Variants in KRT14 observed in about 807,000 individuals in gnomAD.
KRT14 encodes keratin, type I cytoskeletal 14.
KRT14 carries 30 observed loss-of-function variants against 44.5 expected under a neutral mutation model. The ratio of observed to expected loss-of-function variants is 0.67; its 90% CI spans 0.50 to 0.92. The LOEUF is 0.92. Ranked by LOEUF, KRT14 falls within the 40% of genes least tolerant of loss-of-function variation. The pLI is 0.00. For missense variants in KRT14, 535 were observed against 640.6 expected (o/e 0.84, Z 1.78); for synonymous variants, 241 against 257.6 (o/e 0.94, Z 0.62).
At position 41,583,099 on chromosome 17, in the gene KRT14, C is replaced by G. The variant is rs1907386236; in HGVS notation, c.1316G>C (p.Arg439Thr). ...SQFSSGSQSS[R>T]DVTSSSRQIR... ...GCAGAGGAGGAGGGTCTTACCATCT[C>G]TGGATGACTGCGATCCAGAGGAGAA... Residue 439 changes from arginine (R) to threonine (T), a missense_variant, in exon 7 of 8, where the codon AGA becomes ACA. Arg to Thr is a moderately conservative substitution (Grantham distance 71, BLOSUM62 -1). Coordinates refer to ENST00000167586, the MANE Select transcript of KRT14 (RefSeq NM_000526.5). The G allele has an allele frequency of 6.2e-7, 1 of 1,612,804 alleles. No individual in the cohort carries two copies. The highest frequency in any genetic ancestry group is 1.7e-5 in the Admixed American group (1 of 59,974).
intron 3 of KRT14, 120 bp from the exon 4 acceptor site, chr17:41,584,041 C>G: frequency 1.0e-6 from 1 of 964,958 alleles, no homozygotes; most frequent in Non-Finnish European, 1.6e-6. Context: ...CCTTCTCTCT[C>G]TCTCTCTCAA....
In KRT14 at chr17:41,586,482, G is replaced by A. The variant is rs1064794983; in HGVS notation, c.353C>T (p.Thr118Ile). 1.9e-5 allele frequency: 30 copies of A among 1,614,092 alleles called. No individual in the cohort carries two copies. Among genetic ancestry groups the A allele is most frequent in the Non-Finnish European group, 2.3e-5 (27 of 1,180,012 alleles). ...CAGGCGGTCATTGAGGTTCTGCATGGTCACCTTCTCACTGCCCACCAGAAG... is the reference window on the plus strand; with the variant it reads ...CAGGCGGTCATTGAGGTTCTGCATGATCACCTTCTCACTGCCCACCAGAAG... ...DGLLVGSEKV[T>I]MQNLNDRLAS... The change falls in exon 1 of 8, where the codon ACC (threonine) becomes ATC (isoleucine). Residue 118 changes from threonine to isoleucine, a missense_variant. Thr to Ile is a moderately conservative substitution (Grantham distance 89). Coordinates refer to ENST00000167586, the MANE Select transcript of KRT14 (RefSeq NM_000526.5).
Position 41,586,625 on chromosome 17 carries a change from G to T in KRT14, c.210C>A (p.Gly70=), listed in dbSNP as rs777822246. ...TGCTGCTGCTGCTGCTGAAGCCACC[G>T]CCATAGCCGCCCCCCAGCCCGCAGG... ...GGACGLGGGY[G]GGFSSSSSSF... The change falls in exon 1 of 8, where the codon GGC becomes GGA. Residue 70 remains glycine, a synonymous_variant. Transcript: ENST00000167586. 3 of 1,610,534 alleles carry T rather than the reference G, an allele frequency of 1.9e-6. No individual in the cohort carries two copies. The highest frequency in any genetic ancestry group is 2.5e-6 in the Non-Finnish European group (3 of 1,178,388).
chr17:41,586,825 A>G lies in KRT14; in HGVS notation c.10T>C (p.Cys4Arg). 6.3e-7 allele frequency: 1 copy of G among 1,590,502 alleles called. No homozygotes were observed. The highest frequency in any genetic ancestry group is 8.5e-7 in the Non-Finnish European group (1 of 1,170,630). MTT[C>R]SRQFTSSSSM... Reference sequence around the variant, plus strand: ...CTGGAGGAGGTGAACTGGCGGCTGCAGGTGGTCATGGTGCAGAGGAGGGAG... The same window carrying G: ...CTGGAGGAGGTGAACTGGCGGCTGCGGGTGGTCATGGTGCAGAGGAGGGAG... Residue 4 changes from cysteine (C) to arginine (R), a missense_variant, in exon 1 of 8, where the codon TGC becomes CGC. Coordinates refer to ENST00000167586, the MANE Select transcript of KRT14 (RefSeq NM_000526.5).
chr17:41,584,666 A>G (rs1474079977), intron 2 of KRT14, among the ~76,000 whole-genome samples: 1 of 152,174 alleles, frequency 6.6e-6, no homozygotes. Flanking sequence ...CAGCCAACAA[A>G]TAATGCAGAA....
chr17:41,583,287 G>A lies in KRT14; in HGVS notation c.1222C>T (p.Leu408=), dbSNP rs57200223. 13 of 1,613,642 alleles carry A rather than the reference G, an allele frequency of 8.1e-6. No homozygotes were observed. The South Asian group carries it at 1.4e-4, about 18-fold the overall frequency. ...YKILLDVKTR[L]EQEIATYRRL... ...CGGTAGGTGGCGATCTCCTGCTCCA[G>A]CCGCGTCTTCACGTCCAGCAGGATC... The change falls in exon 6 of 8, where the codon CTG becomes TTG. Residue 408 remains leucine (L), a synonymous_variant. Transcript: ENST00000167586.
At chr17:41,585,711 G>T (rs1907503220) in intron 1 of KRT14, among the ~76,000 whole-genome samples, 1 of 152,244 alleles carries the variant, frequency 6.6e-6, no homozygotes, top group South Asian at 2.1e-4. Context: ...GGAGGAGGGG[G>T]CTAGAGTCAG....
chr17:41,584,930 T>C (rs752812716), intron 2 of KRT14, 45 bp downstream of exon 2: 2 of 1,481,786 alleles, frequency 1.3e-6, no homozygotes, highest in South Asian at 1.1e-5. Flanking sequence ...AAAAATGCCC[T>C]ACTCTGGGGA....
intron 7 of KRT14, chr17:41,582,881 C>G: frequency 1.6e-6 from 1 of 626,020 alleles, no homozygotes; most frequent in South Asian, 2.0e-5. Flanking sequence ...GGATCTGCCA[C>G]AGACACCACG....
Position 41,586,851 on chromosome 17 carries a change from G to C in KRT14, c.-17C>G. The C allele has an allele frequency of 6.4e-7, 1 of 1,571,534 alleles. No homozygotes were observed. Among genetic ancestry groups the C allele is most frequent in the East Asian group, 2.3e-5 (1 of 42,656 alleles). ...GGTGGTCATGGTGCAGAGGAGGGAG[G>C]TGAGCGAGCGAGCAGTTGGCTGAGT... On this transcript the variant is annotated 5_prime_UTR_variant, in exon 1 of 8. Transcript: ENST00000167586.
intron 1 of KRT14, among the ~76,000 whole-genome samples, chr17:41,585,268 C>G (rs1907492162): frequency 6.6e-6 from 1 of 152,170 alleles, no homozygotes. Flanking sequence ...GTAGATGCAG[C>G]CCCGGGCTTA....
At position 41,585,040 on chromosome 17, in the gene KRT14, C is replaced by T; in HGVS notation, c.543G>A (p.Val181=). The T allele has an allele frequency of 1.2e-6, 2 of 1,614,034 alleles. No individual in the cohort carries two copies. Among genetic ancestry groups the T allele is most frequent in the Non-Finnish European group, 8.5e-7 (1 of 1,179,882 alleles). The change falls in exon 2 of 8, where the codon GTG becomes GTA. Residue 181 remains valine, a synonymous_variant. Transcript: ENST00000167586. ...TCTGCAGAAGGACATTGGCATTGTC[C>T]ACTGTGGCTGTGAGAATCTGCAGGA... ...DLRNKILTAT[V]DNANVLLQID...
rs1278879263 is a variant in KRT14 at position 41,584,959 on chromosome 17, AC to A, written c.608+15del. Reference sequence around the variant, plus strand: ...CTGGGGACACTGGATGTTCTGGCCCACCATTTCAAACTCACTTGGTGCGGAA... The same window carrying A: ...CTGGGGACACTGGATGTTCTGGCCCACATTTCAAACTCACTTGGTGCGGAA... On this transcript the variant is annotated intron_variant, in intron 2 of 7. Transcript: ENST00000167586. 1 of 1,606,182 alleles carries A rather than the reference AC, an allele frequency of 6.2e-7. No individual in the cohort carries two copies. The highest frequency in any genetic ancestry group is 1.7e-5 in the Admixed American group (1 of 60,008).
intron 2 of KRT14, among the ~76,000 whole-genome samples, chr17:41,584,716 C>G (rs1393837292): frequency 6.6e-6 from 1 of 152,164 alleles, no homozygotes; most frequent in Non-Finnish European, 1.5e-5. Flanking sequence ...TCAAGGGCAG[C>G]TGGGGAAGTG....
In KRT14 at chr17:41,582,448, C is replaced by T. The variant is rs779936319; in HGVS notation, c.1406G>A (p.Arg469His). The stretch of plus-strand genomic sequence containing the variant: ...GGCTGGGCAGCCTCAGTTCTTGGTG[C>T]GAAGGACCTGCTCGTGGGTGGACAC... ...KVVSTHEQVLRTKN is the reference protein window; with the variant it reads ...KVVSTHEQVLHTKN Residue 469 changes from arginine to histidine, a missense_variant, in exon 8 of 8, where the codon CGC becomes CAC. Arg to His is a conservative substitution (Grantham distance 29). Transcript: ENST00000167586. 64 of 1,565,766 alleles carry T rather than the reference C, an allele frequency of 4.1e-5. No individual in the cohort carries two copies. The highest frequency in any genetic ancestry group is 1.7e-4 in the Middle Eastern group (1 of 5,820).
intron 1 of KRT14, among the ~76,000 whole-genome samples, 167 bp from the exon 2 acceptor site, chr17:41,585,224 C>T (rs939486553): frequency 2.0e-5 from 3 of 152,192 alleles, no homozygotes; most frequent in Non-Finnish European, 4.4e-5. Context: ...CAGGCCTGTC[C>T]TAAGACTTTG....
At position 41,583,801 on chromosome 17, in the gene KRT14, C is replaced by T; in HGVS notation, c.886G>A (p.Glu296Lys). ...EMRDQYEKMA[E>K]KNRKDAEEWF... is the part of the protein sequence containing the mutation. ...TCCTCGGCATCCTTGCGGTTCTTCT[C>T]TGCCATCTTCTCATACTGGTCACGC... Residue 296 changes from glutamate to lysine, a missense_variant, in exon 4 of 8, where the codon GAG becomes AAG. Coordinates refer to ENST00000167586, the MANE Select transcript of KRT14 (RefSeq NM_000526.5). 8 of 1,614,242 alleles carry T rather than the reference C, an allele frequency of 5.0e-6. No individual in the cohort carries two copies. The highest frequency in any genetic ancestry group is 6.8e-6 in the Non-Finnish European group (8 of 1,180,046).
rs1907362688 is a variant in KRT14, at chr17:41,582,390, T to C, written c.*45A>G. The stretch of plus-strand genomic sequence containing the variant: ...AGAGGGGATCTTCCAGTGGGATCTG[T>C]GTCCACACGGGGGGCCTCCTAGGCC... On this transcript the variant is annotated 3_prime_UTR_variant, in exon 8 of 8. Transcript: ENST00000167586. 7.0e-7 allele frequency: 1 copy of C among 1,427,340 alleles called. No individual in the cohort carries two copies. Among genetic ancestry groups the C allele is most frequent in the South Asian group, 1.2e-5 (1 of 81,672 alleles). The allele number at this position is 1,427,340 out of a possible 1,614,324, so 88.4% of individuals were successfully genotyped here.
Position 41,583,376 on chromosome 17 carries a change from C to T in KRT14, c.1133G>A (p.Gly378Asp). The T allele has an allele frequency of 1.9e-6, 3 of 1,613,758 alleles. No individual in the cohort carries two copies. Among genetic ancestry groups the T allele is most frequent in the African/African-American group, 1.3e-5 (1 of 75,032 alleles). Residue 378 changes from glycine (G) to aspartate (D), a missense_variant, in exon 6 of 8, where the codon GGC becomes GAC. Physicochemically the swap from Gly to Asp is moderately conservative, Grantham distance 94. Coordinates refer to ENST00000167586, the MANE Select transcript of KRT14 (RefSeq NM_000526.5). The stretch of plus-strand genomic sequence containing the variant: ...CTGGGCCAGCTGCTCCTCCACGCTG[C>T]CAATCATCTCCTGGATCTGGGCCAG... ...MQLAQIQEMI[G>D]SVEEQLAQLR...
Sources: allele counts gnomAD v4.1 joint callset (sites outside exome capture counted in the v4.1 genomes callset), GRCh38; gene constraint gnomAD v4.1.1; transcripts MANE v1.5; gene names NCBI Gene and HGNC (gene_info 2026-07-23, HGNC 2026-07-21).